Variants in MYO1H observed in about 807,000 individuals in gnomAD.
MYO1H encodes unconventional myosin-Ih.
A neutral mutation model predicts 149.3 loss-of-function variants in MYO1H; 118 were observed. The observed-to-expected ratio is 0.79, with a 90% CI of 0.68 to 0.92. MYO1H has a LOEUF of 0.92. MYO1H is among the 40% of genes least tolerant of loss of function. The probability of loss-of-function intolerance (pLI) is 0.00; values close to 1 mark genes in which losing one functional copy is unlikely to be tolerated. For missense variants in MYO1H, 1,212 were observed against 1,280.7 expected (o/e 0.95, Z 0.82); for synonymous variants, 447 against 465.2 (o/e 0.96, Z 0.50).
intron 23 of MYO1H, chr12:109,439,427 G>T (rs934580413): frequency 2.4e-5 from 11 of 457,152 alleles, no homozygotes; most frequent in Non-Finnish European, 3.5e-5. Context: ...AAAATTGGCA[G>T]CTAATTAAAG....
rs376797224 is a variant in MYO1H at position 109,355,529 on chromosome 12, G to A, written c.12+7557G>A. ...ATATACCCTTATAGAAATTATCTAC[G>A]ATACCTGTCGAGCATGCAGCTTCCT... On this transcript the variant is annotated intron_variant, in intron 1 of 31. Coordinates refer to ENST00000310903, the Ensembl canonical transcript of MYO1H. 1.4e-3 allele frequency among the ~76,000 whole-genome samples: 209 copies of A among 152,166 alleles called. 1 individual carries two copies. Among genetic ancestry groups the A allele is most frequent in the African/African-American group, 4.6e-3 (192 of 41,508 alleles).
At chr12:109,326,393 CTCT>C in the MYO1H span, among the ~76,000 whole-genome samples, 3 of 152,144 alleles carry the variant, frequency 2.0e-5, no homozygotes, top group Non-Finnish European at 4.4e-5. Context: ...GAGGAAGGAA[CTCT>C]TCATCCATGC....
intron 19 of MYO1H, among the ~76,000 whole-genome samples, chr12:109,427,899 A>ATAT (rs1566038875): frequency 6.2e-4 from 32 of 51,418 alleles, no homozygotes; most frequent in African/African-American, 2.3e-3. Flanking sequence ...AAAAAAAAAA[A>ATAT]AAAAAAAAAA....
At chr12:109,410,142 T>A (rs1592801269) in intron 12 of MYO1H, 74 bp downstream of exon 12, 3 of 559,088 alleles carry the variant, frequency 5.4e-6, no homozygotes, top group African/African-American at 2.5e-5. Flanking sequence ...ATTTAATTAA[T>A]TTTTTTTTTA....
intron 1 of MYO1H, among the ~76,000 whole-genome samples, chr12:109,383,961 T>G (rs945888049): frequency 4.4e-4 from 67 of 152,358 alleles, no homozygotes; most frequent in Middle Eastern, 3.4e-3. Flanking sequence ...TGCTTTTAGA[T>G]GAGCAACAGG....
chr12:109,334,926 A>G, the MYO1H span, among the ~76,000 whole-genome samples: 1 of 152,178 alleles, frequency 6.6e-6, no homozygotes, highest in Admixed American at 6.5e-5. Context: ...CCCTGTACCC[A>G]TTAGCAGTCT....
intron 2 of MYO1H, among the ~76,000 whole-genome samples, chr12:109,393,054 C>T (rs183610547): frequency 0.015 from 2,257 of 151,978 alleles, 26 homozygotes; most frequent in Middle Eastern, 0.034. Flanking sequence ...GTGATCCACC[C>T]GCCTCGGCCT....
intron 14 of MYO1H, among the ~76,000 whole-genome samples, chr12:109,414,255 A>C (rs1870802890): frequency 1.3e-5 from 2 of 152,066 alleles, no homozygotes; most frequent in South Asian, 4.2e-4. Flanking sequence ...ACGAGTGGAT[A>C]ATCTGAGGTC....
intron 1 of MYO1H, among the ~76,000 whole-genome samples, chr12:109,384,182 T>A (rs904310078): frequency 6.6e-6 from 1 of 152,198 alleles, no homozygotes; most frequent in African/African-American, 2.4e-5. Context: ...CATTCATTCC[T>A]GAGTCTAACC....
the MYO1H span, among the ~76,000 whole-genome samples, chr12:109,312,789 TG>T: frequency 4.1e-4 from 37 of 90,652 alleles, no homozygotes; most frequent in African/African-American, 2.1e-3. Context: ...TGTTTTGTTT[TG>T]TTTTTTTTTT....
chr12:109,436,693 C>G (rs979163797), intron 22 of MYO1H, 137 bp downstream of exon 22: 1 of 617,392 alleles, frequency 1.6e-6, no homozygotes, highest in Admixed American at 2.9e-5. Context: ...GTTCTGGGGC[C>G]TCTTCTCATT....
At chr12:109,442,271 A>G (rs1181628033) in exon 27 of MYO1H, 5 of 1,613,388 alleles carry the variant, frequency 3.1e-6, no homozygotes, top group African/African-American at 1.3e-5. Context: ...GAGAAAATCC[A>G]GGTAAGGCGA....
chr12:109,393,258 C>T, intron 2 of MYO1H, 73 bp from the exon 3 acceptor site: 1 of 898,006 alleles, frequency 1.1e-6, no homozygotes. Context: ...GGAATGAACA[C>T]ATGGGGATCA....
At chr12:109,337,947 A>G in the MYO1H span, among the ~76,000 whole-genome samples, 78 of 152,264 alleles carry the variant, frequency 5.1e-4, no homozygotes, top group Middle Eastern at 6.8e-3. Context: ...GTGGATCTCT[A>G]CATAGGTACA....
chr12:109,429,188 T>A (rs577828776), intron 19 of MYO1H, among the ~76,000 whole-genome samples: 2 of 145,380 alleles, frequency 1.4e-5, no homozygotes, highest in Non-Finnish European at 3.0e-5. Flanking sequence ...GCCTGGGTGA[T>A]AGAATGAGAC....
intron 5 of MYO1H, among the ~76,000 whole-genome samples, chr12:109,399,692 G>T (rs1870080405): frequency 6.6e-6 from 1 of 151,508 alleles, no homozygotes; most frequent in Admixed American, 6.6e-5. Flanking sequence ...TGAGAGGATT[G>T]CTTGAGTCTA....
chr12:109,399,514 C>T lies in MYO1H; in HGVS notation c.571-1579C>T, dbSNP rs192742863. 3.3e-3 allele frequency among the ~76,000 whole-genome samples: 486 copies of T among 146,684 alleles called. 2 individuals carry two copies. The highest frequency in any genetic ancestry group is 8.2e-3 in the Admixed American group (117 of 14,326). On this transcript the variant is annotated intron_variant, in intron 5 of 31. Transcript: ENST00000310903. ...GGCTGAGGCATGAGAAACACTTGAA[C>T]TTGGGAGGCAGAGGTTGCAGTGAGC...
chr12:109,417,856 C>T (rs1284325016), intron 15 of MYO1H, among the ~76,000 whole-genome samples: 1 of 151,940 alleles, frequency 6.6e-6, no homozygotes, highest in Non-Finnish European at 1.5e-5. Flanking sequence ...CGCTCTGTCG[C>T]CCAGACTGGA....
intron 1 of MYO1H, among the ~76,000 whole-genome samples, chr12:109,351,284 A>G (rs1433321088): frequency 1.3e-5 from 2 of 152,190 alleles, no homozygotes; most frequent in African/African-American, 4.8e-5. Flanking sequence ...TTATTACCGT[A>G]AAAACTCTTA....
Sources: allele counts gnomAD v4.1 joint callset (sites outside exome capture counted in the v4.1 genomes callset), GRCh38; gene constraint gnomAD v4.1.1; transcripts MANE v1.5; gene names NCBI Gene and HGNC (gene_info 2026-07-23, HGNC 2026-07-21).